EIF4G3: variants seen among roughly 807,000 people sequenced by gnomAD.
EIF4G3 encodes eukaryotic translation initiation factor 4 gamma 3.
In EIF4G3, 34 loss-of-function variants were observed where a neutral mutation model predicts 186.4. That is an observed-to-expected ratio of 0.18 (90% CI 0.14 to 0.24). The LOEUF (loss-of-function observed/expected upper bound fraction) is 0.24, where lower values mean the gene tolerates loss of function less well. Ranked by LOEUF, EIF4G3 falls within the 10% of genes least tolerant of loss-of-function variation. The probability of loss-of-function intolerance (pLI) is 1.00; values close to 1 mark genes in which losing one functional copy is unlikely to be tolerated. For synonymous variants in EIF4G3, 673 were observed against 679.5 expected (o/e 0.99, Z 0.15); for missense variants, 1,536 against 1,948.5 (o/e 0.79, Z 3.99).
intron 14 of EIF4G3, among the ~76,000 whole-genome samples, chr1:20,915,473 A>G (rs1045895049): frequency 6.6e-6 from 1 of 152,172 alleles, no homozygotes; most frequent in African/African-American, 2.4e-5. Flanking sequence ...CGAAAAAAAA[A>G]ACACTAAATA....
chr1:21,088,426 T>TA (rs75903671), intron 3 of EIF4G3, among the ~76,000 whole-genome samples: 56,176 of 151,294 alleles, frequency 0.37, 11,024 homozygotes, highest in Non-Finnish European at 0.43. Context: ...TCTCAAAATT[T>TA]AAAAAAAAAG....
In EIF4G3 at chr1:21,046,899, T is replaced by C. The variant is rs72654820; in HGVS notation, c.-67+3967A>G. 6.9e-3 allele frequency among the ~76,000 whole-genome samples: 1,057 copies of C among 152,158 alleles called. 4 individuals are homozygous for C. The highest frequency in any genetic ancestry group is 0.017 in the Middle Eastern group (5 of 294). On this transcript the variant is annotated intron_variant, in intron 4 of 36. Coordinates refer to ENST00000602326, the MANE Select transcript of EIF4G3 (RefSeq NM_001391906.1). Reference sequence around the variant, plus strand: ...GGATACATGCACACACACACATACATATATATAAATCTTGAGGAGAACCAA... The same window carrying C: ...GGATACATGCACACACACACATACACATATATAAATCTTGAGGAGAACCAA...
intron 20 of EIF4G3, among the ~76,000 whole-genome samples, chr1:20,875,836 C>T (rs966513365): frequency 6.6e-6 from 1 of 152,056 alleles, no homozygotes; most frequent in Non-Finnish European, 1.5e-5. Flanking sequence ...CATGTGACCT[C>T]AGAAGGTTGA....
At chr1:20,959,655 CAATAATAATAATAATAATAAT>C (rs61144464) in intron 12 of EIF4G3, among the ~76,000 whole-genome samples, 2 of 142,526 alleles carry the variant, frequency 1.4e-5, no homozygotes, top group East Asian at 2.0e-4. Flanking sequence ...AACAAATCAG[CAATAATAATAATAATAATAAT>C]AATAATAATA....
At position 20,849,264 on chromosome 1, in the gene EIF4G3, T is replaced by C. The variant is rs1166855665; in HGVS notation, c.3888+151A>G. The C allele has an allele frequency of 1.4e-5, 6 of 428,752 alleles. No homozygotes were observed. The Admixed American group carries it at 1.7e-4, about 12-fold the overall frequency. 26.6% of individuals were successfully genotyped at this position (428,752 alleles called of 1,614,324 possible). A position where few individuals can be genotyped will look rare whatever the true frequency, so the allele number is the denominator to read the frequency against. ...AAAGAGAGTACTTGGCAGAAATGCATCAGCGTTAAGCAAACTGAATTGTGT... is the reference window on the plus strand; with the variant it reads ...AAAGAGAGTACTTGGCAGAAATGCACCAGCGTTAAGCAAACTGAATTGTGT... On this transcript the variant is annotated intron_variant, in intron 29 of 36. Transcript: ENST00000602326.
intron 20 of EIF4G3, among the ~76,000 whole-genome samples, chr1:20,875,634 T>C (rs1240580242): frequency 6.6e-6 from 1 of 152,066 alleles, no homozygotes; most frequent in African/African-American, 2.4e-5. Flanking sequence ...GAAATAAAAG[T>C]CAGGTGCAAT....
intron 12 of EIF4G3, among the ~76,000 whole-genome samples, chr1:20,955,127 G>A (rs1418799497): frequency 2.0e-5 from 3 of 152,200 alleles, no homozygotes; most frequent in African/African-American, 7.2e-5. Context: ...AGGCAGACAG[G>A]CCTTACAGGC....
chr1:20,902,558 A>G (rs571247799), intron 15 of EIF4G3, among the ~76,000 whole-genome samples: 4 of 152,368 alleles, frequency 2.6e-5, no homozygotes, highest in South Asian at 4.1e-4. Flanking sequence ...GTTTTAGGAA[A>G]GACAGAAAAA....
chr1:20,932,680 C>T (rs1181619023), intron 14 of EIF4G3, among the ~76,000 whole-genome samples: 1 of 152,000 alleles, frequency 6.6e-6, no homozygotes, highest in African/African-American at 2.4e-5. Flanking sequence ...ACATATTTCT[C>T]GATCAAGTTG....
At chr1:20,850,400 T>G (rs16824702) in intron 28 of EIF4G3, among the ~76,000 whole-genome samples, 1 of 152,164 alleles carries the variant, frequency 6.6e-6, no homozygotes. Flanking sequence ...GTTACACCAA[T>G]TGGGAGAAGA....
chr1:21,080,104 C>T (rs947321630), intron 3 of EIF4G3, among the ~76,000 whole-genome samples: 2 of 150,408 alleles, frequency 1.3e-5, no homozygotes, highest in Non-Finnish European at 3.0e-5. Context: ...TGAGCCAACA[C>T]GGTGCCACTG....
chr1:21,024,710 A>C (rs896923876), intron 4 of EIF4G3, among the ~76,000 whole-genome samples: 2 of 150,032 alleles, frequency 1.3e-5, no homozygotes, highest in Non-Finnish European at 3.0e-5. Context: ...GTTAAGAGTC[A>C]TCACCAATCC....
intron 2 of EIF4G3, among the ~76,000 whole-genome samples, chr1:21,139,539 T>A (rs2097303482): frequency 6.6e-6 from 1 of 152,162 alleles, no homozygotes; most frequent in South Asian, 2.1e-4. Context: ...TCGAAAAAGG[T>A]ATTGTGCAAA....
intron 29 of EIF4G3, 43 bp from the exon 30 acceptor site, chr1:20,841,071 G>A: frequency 6.3e-7 from 1 of 1,593,066 alleles, no homozygotes; most frequent in Non-Finnish European, 8.6e-7. Context: ...AATCTGAATA[G>A]TGTTACCAGA....
intron 2 of EIF4G3, among the ~76,000 whole-genome samples, chr1:21,098,352 G>C (rs1181099623): frequency 6.6e-6 from 1 of 151,724 alleles, no homozygotes; most frequent in Non-Finnish European, 1.5e-5. Context: ...GACTAGCCTG[G>C]GCAAGATGGT....
intron 2 of EIF4G3, among the ~76,000 whole-genome samples, chr1:21,116,613 G>T (rs2096827985): frequency 6.6e-6 from 1 of 152,008 alleles, no homozygotes; most frequent in South Asian, 2.1e-4. Context: ...TGAGGGGGGT[G>T]CGGATCACAG....
chr1:21,043,867 G>A (rs1557676617), intron 4 of EIF4G3, among the ~76,000 whole-genome samples: 1 of 39,614 alleles, frequency 2.5e-5, no homozygotes, highest in Non-Finnish European at 6.2e-5. Context: ...TGAAACCTTG[G>A]CGCAAAAAAA....
intron 14 of EIF4G3, among the ~76,000 whole-genome samples, chr1:20,931,717 G>A (rs1360981690): frequency 6.6e-6 from 1 of 152,154 alleles, no homozygotes; most frequent in African/African-American, 2.4e-5. Context: ...ATGCGGTCAA[G>A]AGATTGAGAC....
intron 20 of EIF4G3, among the ~76,000 whole-genome samples, chr1:20,866,694 A>C (rs1195726272): frequency 1.3e-5 from 2 of 152,246 alleles, no homozygotes; most frequent in Non-Finnish European, 2.9e-5. Flanking sequence ...TGGACTAAGA[A>C]ATACAAAAGA....
Sources: gnomAD v4.1 joint callset for allele counts (sites outside exome capture counted in the v4.1 genomes callset) on GRCh38, gnomAD v4.1.1 for gene constraint, MANE v1.5 for transcripts, NCBI Gene and HGNC (gene_info 2026-07-23, HGNC 2026-07-21) for gene names.